COX18: variants seen among roughly 807,000 people sequenced by gnomAD.
COX18 encodes the protein cytochrome c oxidase assembly factor COX18, also known as cytochrome c oxidase assembly protein COX18, mitochondrial.
In COX18, 45 loss-of-function variants were observed where a neutral mutation model predicts 38.0. That is an observed-to-expected ratio of 1.18 (90% CI 0.93 to 1.52). The LOEUF (loss-of-function observed/expected upper bound fraction) is 1.52. Among genes scored for constraint, COX18 ranks in the 40% most tolerant of loss-of-function variants. The probability of loss-of-function intolerance (pLI) is 0.00; values close to 1 mark genes in which losing one functional copy is unlikely to be tolerated. For synonymous variants in COX18, 177 were observed against 169.8 expected, an observed-to-expected ratio of 1.04 and a Z score of -0.33; for missense variants, 462 against 423.8, an observed-to-expected ratio of 1.09 and a Z score of -0.79.
intron 5 of COX18, among the ~76,000 whole-genome samples, chr4:73,061,053 C>T (rs1274496295): frequency 1.3e-5 from 2 of 152,130 alleles, no homozygotes; most frequent in Non-Finnish European, 2.9e-5. Flanking sequence ...ATGCAAAAGA[C>T]TGAACTAACT....
intron 4 of COX18, among the ~76,000 whole-genome samples, chr4:73,064,086 A>G (rs891060300): frequency 6.6e-6 from 1 of 152,106 alleles, no homozygotes; most frequent in African/African-American, 2.4e-5. Flanking sequence ...GGAGTTCGAG[A>G]CCAGCCTGGC....
rs1160653089 is a variant in COX18, at chr4:73,065,374, C to G, written c.474G>C (p.Glu158Asp). ...YLKNMRRLISELYVRDNCHPF... is the reference protein window; with the variant it reads ...YLKNMRRLISDLYVRDNCHPF... Reference sequence around the variant, plus strand: ...GGTGGCAGTTATCTCGCACATATAGCTCTGAAATTAGCCTCCTCATATTCT... The same window carrying G: ...GGTGGCAGTTATCTCGCACATATAGGTCTGAAATTAGCCTCCTCATATTCT... The change falls in exon 3 of 6, where the codon GAG becomes GAC. Residue 158 changes from glutamate to aspartate, a missense_variant. Coordinates refer to ENST00000507544, the MANE Select transcript of COX18 (RefSeq NM_001297732.2). 6.2e-7 allele frequency: 1 copy of G among 1,613,392 alleles called. No homozygotes were observed. The highest frequency in any genetic ancestry group is 1.3e-5 in the African/African-American group (1 of 74,838).
At chr4:73,067,569 C>T (rs1364881886) in intron 2 of COX18, among the ~76,000 whole-genome samples, 22 of 151,782 alleles carry the variant, frequency 1.4e-4, no homozygotes, top group Admixed American at 6.6e-5. Context: ...AGGCTGGGCA[C>T]GGTGGCTCAC....
rs1285253934 is a variant in COX18, at chr4:73,052,961, T to C, written c.*5153A>G. 1 of 151,642 alleles carries C rather than the reference T, an allele frequency of 6.6e-6. No homozygotes were observed. The allele number at this position is 151,642 out of a possible 1,614,324, so 9.4% of individuals were successfully genotyped here. A position where few individuals can be genotyped will look rare whatever the true frequency, so the allele number is the denominator to read the frequency against. ...CTAAAAAAAAAAAAAAGGTGATTCC[T>C]GGGATTCTTAGAAGAATAAAATATG... On this transcript the variant is annotated 3_prime_UTR_variant, in exon 6 of 6. Transcript: ENST00000507544.
In COX18 at chr4:73,069,455, C is replaced by A; in HGVS notation, c.195G>T (p.Arg65=). 2 of 1,588,742 alleles carry A rather than the reference C, an allele frequency of 1.3e-6. No individual in the cohort carries two copies. The highest frequency in any genetic ancestry group is 1.7e-6 in the Non-Finnish European group (2 of 1,168,952). ...YEALAASSPV[R]VAEEVLLGVH... is the part of the protein sequence containing the mutation. ...CGCCGAGCAGTACTTCCTCCGCAACCCGCACCGGCGAAGACGCGGCCAGGG... is the reference window on the plus strand; with the variant it reads ...CGCCGAGCAGTACTTCCTCCGCAACACGCACCGGCGAAGACGCGGCCAGGG... Residue 65 remains arginine, a synonymous_variant, in exon 1 of 6, where the codon CGG becomes CGT. Transcript: ENST00000507544.
rs1719792279 is a variant in COX18 at position 73,053,290 on chromosome 4, G to A, written c.*4824C>T. The A allele has an allele frequency of 6.6e-6, 1 of 152,164 alleles. No individual in the cohort carries two copies. The highest frequency in any genetic ancestry group is 6.6e-5 in the Admixed American group (1 of 15,264). The allele number at this position is 152,164 out of a possible 1,614,324, so 9.4% of individuals were successfully genotyped here. A position where few individuals can be genotyped will look rare whatever the true frequency, so the allele number is the denominator to read the frequency against. On this transcript the variant is annotated 3_prime_UTR_variant, in exon 6 of 6. Transcript: ENST00000507544. ...CCTAGAAGGTCACAATAAACGAACA[G>A]AATGTAGAGGAGGAGTCAGCCCATA...
intron 4 of COX18, among the ~76,000 whole-genome samples, chr4:73,063,469 C>T (rs1720281823): frequency 6.6e-6 from 1 of 152,214 alleles, no homozygotes; most frequent in Non-Finnish European, 1.5e-5. Context: ...CAACTCACTG[C>T]AGCCTCCATC....
chr4:73,063,248 G>A (rs1720266278), intron 4 of COX18, among the ~76,000 whole-genome samples: 1 of 152,164 alleles, frequency 6.6e-6, no homozygotes, highest in Admixed American at 6.5e-5. Context: ...GGAGGTTGCA[G>A]TGAGTGGAGA....
intron 5 of COX18, among the ~76,000 whole-genome samples, chr4:73,058,889 T>C (rs1354012109): frequency 6.6e-6 from 1 of 152,124 alleles, no homozygotes; most frequent in Non-Finnish European, 1.5e-5. Flanking sequence ...AGGAGGAAGA[T>C]TTTGGGATGA....
Position 73,058,075 on chromosome 4 carries a change from G to A in COX18, c.*39C>T. On this transcript the variant is annotated 3_prime_UTR_variant, in exon 6 of 6. Coordinates refer to ENST00000507544, the MANE Select transcript of COX18 (RefSeq NM_001297732.2). The stretch of plus-strand genomic sequence containing the variant: ...TAAGTCTAAATACATTTAGATGATA[G>A]TGACTCCTGCAACTGTTTCAAAATT... The A allele has an allele frequency of 1.5e-6, 2 of 1,331,494 alleles. No individual in the cohort carries two copies. Among genetic ancestry groups the A allele is most frequent in the African/African-American group, 1.5e-5 (1 of 68,286 alleles). 82.5% of individuals were successfully genotyped at this position (1,331,494 alleles called of 1,614,324 possible). A position where few individuals can be genotyped will look rare whatever the true frequency, so the allele number is the denominator to read the frequency against.
Position 73,067,952 on chromosome 4 carries a change from GTA to G in COX18, c.434+75_434+76del, listed in dbSNP as rs1227840820. 48 of 651,852 alleles carry G rather than the reference GTA, an allele frequency of 7.4e-5. No homozygotes were observed. In the East Asian group the frequency reaches 1.2e-3, roughly 16 times the overall value. 40.4% of individuals were successfully genotyped at this position (651,852 alleles called of 1,614,324 possible). A position where few individuals can be genotyped will look rare whatever the true frequency, so the allele number is the denominator to read the frequency against. On this transcript the variant is annotated intron_variant, in intron 2 of 5. Coordinates refer to ENST00000507544, the MANE Select transcript of COX18 (RefSeq NM_001297732.2). ...ACTTATAATTAACATCACAATTTATGTATGTGTGTGTGTGTGTGTGTGTGTGT... is the reference window on the plus strand; with the variant it reads ...ACTTATAATTAACATCACAATTTATGTGTGTGTGTGTGTGTGTGTGTGTGT...
intron 1 of COX18, among the ~76,000 whole-genome samples, chr4:73,069,020 ATTTC>A (rs1206251109): frequency 1.3e-5 from 2 of 152,346 alleles, no homozygotes; most frequent in South Asian, 2.1e-4. Context: ...TCTGCGACTG[ATTTC>A]TTTGTCTCCG....
rs762154229 is a variant in COX18, at chr4:73,058,255, G to A, written c.864C>T (p.Phe288=). Reference sequence around the variant, plus strand: ...GCAGCAAATTCTGTGAAAGGCCCACGAAGCTGGAGCATAACCAGTAGAGAA... The same window carrying A: ...GCAGCAAATTCTGTGAAAGGCCCACAAAGCTGGAGCATAACCAGTAGAGAA... ...SIVLYWLCSS[F]VGLSQNLLLR... is the part of the protein sequence containing the mutation. Residue 288 remains phenylalanine, a synonymous_variant, in exon 6 of 6, where the codon TTC becomes TTT. Coordinates refer to ENST00000507544, the MANE Select transcript of COX18 (RefSeq NM_001297732.2). 5 of 1,613,462 alleles carry A rather than the reference G, an allele frequency of 3.1e-6. No homozygotes were observed. The highest frequency in any genetic ancestry group is 4.2e-6 in the Non-Finnish European group (5 of 1,179,860).
At position 73,068,066 on chromosome 4, in the gene COX18, G is replaced by A. The variant is rs1229624907; in HGVS notation, c.397C>T (p.Arg133Cys). 2 of 1,605,158 alleles carry A rather than the reference G, an allele frequency of 1.2e-6. No homozygotes were observed. The highest frequency in any genetic ancestry group is 1.1e-5 in the South Asian group (1 of 90,638). ...ARHLNQEVAV[R>C]ANQLGWSKRD... The stretch of plus-strand genomic sequence containing the variant: ...TTGGACCACCCCAACTGATTTGCAC[G>A]AACTGCAACTTCTTGGTTAAGATGC... Residue 133 changes from arginine (R) to cysteine (C), a missense_variant, in exon 2 of 6, where the codon CGT becomes TGT. Transcript: ENST00000507544.
chr4:73,058,110 T>C lies in COX18; in HGVS notation c.*4A>G. ...CAACTGTTTCAAAATTATTGGAAAA[T>C]ATGTCATTTTCTTGAAATGAACTTG... On this transcript the variant is annotated 3_prime_UTR_variant, in exon 6 of 6. Transcript: ENST00000507544. The C allele has an allele frequency of 6.4e-7, 1 of 1,564,558 alleles. No individual in the cohort carries two copies. The highest frequency in any genetic ancestry group is 2.3e-5 in the East Asian group (1 of 44,212).
At position 73,058,186 on chromosome 4, in the gene COX18, G is replaced by C. The variant is rs749649793; in HGVS notation, c.933C>G (p.Thr311=). The C allele has an allele frequency of 1.9e-6, 3 of 1,613,266 alleles. No homozygotes were observed. The highest frequency in any genetic ancestry group is 2.5e-6 in the Non-Finnish European group (3 of 1,179,440). The change falls in exon 6 of 6, where the codon ACC becomes ACG. Residue 311 remains threonine (T), a synonymous_variant. Transcript: ENST00000507544. ...GFRQLCRIPS[T]KSDSETPYKD... ...TATAAGGAGTTTCTGAATCTGACTT[G>C]GTCGATGGTATTCGGCAAAGTTGGC...
chr4:73,060,608 T>C (rs951446893), intron 5 of COX18, among the ~76,000 whole-genome samples: 1 of 152,110 alleles, frequency 6.6e-6, no homozygotes, highest in Non-Finnish European at 1.5e-5. Context: ...GGGCCAGGCA[T>C]GGTGGCTCAC....
At chr4:73,060,908 T>C (rs1482937718) in intron 5 of COX18, among the ~76,000 whole-genome samples, 3 of 149,680 alleles carry the variant, frequency 2.0e-5, no homozygotes, top group Non-Finnish European at 4.4e-5. Flanking sequence ...TACTGTGAGG[T>C]AGTTTTATAT....
Position 73,058,189 on chromosome 4 carries a change from C to A in COX18, c.930G>T (p.Ser310=), listed in dbSNP as rs984309669. The A allele has an allele frequency of 6.2e-7, 1 of 1,613,576 alleles. No individual in the cohort carries two copies. The highest frequency in any genetic ancestry group is 1.7e-5 in the Admixed American group (1 of 59,970). Reference sequence around the variant, plus strand: ...AAGGAGTTTCTGAATCTGACTTGGTCGATGGTATTCGGCAAAGTTGGCGAA... The same window carrying A: ...AAGGAGTTTCTGAATCTGACTTGGTAGATGGTATTCGGCAAAGTTGGCGAA... ...PGFRQLCRIP[S]TKSDSETPYK... is the part of the protein sequence containing the mutation. Residue 310 remains serine, a synonymous_variant, in exon 6 of 6, where the codon TCG becomes TCT. Coordinates refer to ENST00000507544, the MANE Select transcript of COX18 (RefSeq NM_001297732.2).
Sources: allele counts gnomAD v4.1 joint callset (sites outside exome capture counted in the v4.1 genomes callset), GRCh38; gene constraint gnomAD v4.1.1; transcripts MANE v1.5; gene names NCBI Gene and HGNC (gene_info 2026-07-23, HGNC 2026-07-21).